SEMA4A: variants seen among roughly 807,000 people sequenced by gnomAD.
SEMA4A encodes semaphorin 4A.
SEMA4A carries 52 observed loss-of-function variants against 72.5 expected under a neutral mutation model. That is an observed-to-expected ratio of 0.72 (90% CI 0.57 to 0.90). The LOEUF (loss-of-function observed/expected upper bound fraction) is 0.90, where lower values mean the gene tolerates loss of function less well. Ranked by LOEUF, SEMA4A falls within the 40% of genes least tolerant of loss-of-function variation. SEMA4A has a pLI of 0.00. For synonymous variants in SEMA4A, 369 were observed against 393.1 expected (o/e 0.94, Z 0.73); for missense variants, 926 against 959.7 (o/e 0.96, Z 0.46).
rs576146975 is a variant in SEMA4A, at chr1:156,169,851, C to T, written c.1135-2975C>T. 9.3e-5 allele frequency among the ~76,000 whole-genome samples: 14 copies of T among 150,750 alleles called. No individual in the cohort carries two copies. The South Asian group carries it at 2.9e-3, about 32-fold the overall frequency. On this transcript the variant is annotated intron_variant, in intron 10 of 14. Transcript: ENST00000368285. ...ACCATCCTGGCCATCATGGTGAAAC[C>T]CCGTCTCTACTAAAAATACAAAAAT...
At chr1:156,149,549 C>T (rs1652372185), upstream of SEMA4A, among the ~76,000 whole-genome samples, 1 of 152,170 alleles carries the variant, frequency 6.6e-6, no homozygotes, top group African/African-American at 2.4e-5. Flanking sequence ...TGTCCCTTGG[C>T]TTATTTGCAT....
rs1041621925 is a variant in SEMA4A at position 156,163,368 on chromosome 1, G to A, written c.1134+274G>A. On this transcript the variant is annotated intron_variant, in intron 10 of 14. Transcript: ENST00000368285. ...TCACTATGGAAACAAGGGAACATGC[G>A]CTGTGTGCCAAGGACTGTCTTGGGC... is the stretch of plus-strand genomic sequence containing the variant. 1.3e-5 allele frequency: 6 copies of A among 474,720 alleles called. 1 individual carries two copies. Among genetic ancestry groups the A allele is most frequent in the South Asian group, 6.3e-5 (3 of 47,656 alleles). 29.4% of individuals were successfully genotyped at this position (474,720 alleles called of 1,614,324 possible). A position where few individuals can be genotyped will look rare whatever the true frequency, so the allele number is the denominator to read the frequency against.
chr1:156,158,904 T>C, intron 6 of SEMA4A, 80 bp downstream of exon 6: 1 of 1,295,098 alleles, frequency 7.7e-7, no homozygotes, highest in Non-Finnish European at 1.1e-6. Context: ...TACAGAGTTT[T>C]CCAAAAGGCA....
Position 156,158,379 on chromosome 1 carries a change from C to A in SEMA4A, c.364-9C>A. ...TGGCCTGGAGACCTAAATTCTCTGT[C>A]TCCCTCAGACACAGTGTTTCAACTT... On this transcript the variant is annotated splice_polypyrimidine_tract_variant and intron_variant, in intron 4 of 14. Transcript: ENST00000368285. 6.2e-7 allele frequency: 1 copy of A among 1,608,742 alleles called. No individual in the cohort carries two copies. Among genetic ancestry groups the A allele is most frequent in the Non-Finnish European group, 8.5e-7 (1 of 1,175,086 alleles).
intron 10 of SEMA4A, among the ~76,000 whole-genome samples, chr1:156,169,886 G>T (rs541041149): frequency 6.6e-6 from 1 of 151,790 alleles, no homozygotes; most frequent in Non-Finnish European, 1.5e-5. Context: ...TTAGCTGGGT[G>T]TGGTTGTATG....
In SEMA4A at chr1:156,158,125, G is replaced by A. The variant is rs1248004331; in HGVS notation, c.356G>A (p.Ser119Asn). Reference protein sequence around the residue: ...KKSECAFKKKSNETQCFNFIR... With the variant: ...KKSECAFKKKNNETQCFNFIR... ...AGTGAATGTGCCTTTAAGAAGAAGA[G>A]CAATGAGGTAAGTGGAGGTGGGGGA... Residue 119 changes from serine to asparagine, a missense_variant, in exon 4 of 15, where the codon AGC becomes AAC. Physicochemically the swap from Ser to Asn is conservative, Grantham distance 46 (BLOSUM62 1). Coordinates refer to ENST00000368285, the MANE Select transcript of SEMA4A (RefSeq NM_022367.4). 6.8e-6 allele frequency: 11 copies of A among 1,614,040 alleles called. No individual in the cohort carries two copies. The highest frequency in any genetic ancestry group is 1.3e-5 in the African/African-American group (1 of 74,914).
At chr1:156,175,062 T>A in intron 12 of SEMA4A, 24 bp from the exon 13 acceptor site, 1 of 1,614,208 alleles carries the variant, frequency 6.2e-7, no homozygotes, top group East Asian at 2.2e-5. Flanking sequence ...TGGGGCTCCC[T>A]GACAATCTCC....
At chr1:156,155,897 T>C (rs73006730) in intron 2 of SEMA4A, 2,605 of 216,284 alleles carry the variant, frequency 0.012, 74 homozygotes, top group African/African-American at 0.056. Context: ...ACATGGATCT[T>C]TGAAGAAAAA....
At position 156,176,688 on chromosome 1, in the gene SEMA4A, G is replaced by A. The variant is rs1572433128; in HGVS notation, c.1977G>A (p.Glu659=). ...LDPELAGIPR[E]HVKVPLTRVS... Reference sequence around the variant, plus strand: ...CTGAACTGGCAGGCATCCCCCGGGAGCATGTGAAGGTCCCGTTGACCAGGG... The same window carrying A: ...CTGAACTGGCAGGCATCCCCCGGGAACATGTGAAGGTCCCGTTGACCAGGG... Residue 659 remains glutamate (E), a synonymous_variant, in exon 15 of 15, where the codon GAG becomes GAA. Coordinates refer to ENST00000368285, the MANE Select transcript of SEMA4A (RefSeq NM_022367.4). 1.8e-5 allele frequency: 29 copies of A among 1,614,146 alleles called. No individual in the cohort carries two copies. Among genetic ancestry groups the A allele is most frequent in the Middle Eastern group, 3.3e-4 (2 of 6,062 alleles).
At chr1:156,147,840 G>A (rs1028549566), upstream of SEMA4A, among the ~76,000 whole-genome samples, 1 of 152,152 alleles carries the variant, frequency 6.6e-6, no homozygotes, top group Non-Finnish European at 1.5e-5. Flanking sequence ...CTTGTGGAAA[G>A]GCTCTCTCTC....
At chr1:156,172,156 C>T (rs888785912) in intron 10 of SEMA4A, among the ~76,000 whole-genome samples, 2 of 151,240 alleles carry the variant, frequency 1.3e-5, no homozygotes, top group African/African-American at 2.4e-5. Context: ...CTCTCTCTGT[C>T]GCCCAGGTTG....
chr1:156,170,018 C>G (rs533096173), intron 10 of SEMA4A, among the ~76,000 whole-genome samples: 6 of 149,848 alleles, frequency 4.0e-5, no homozygotes, highest in Non-Finnish European at 1.5e-5. Flanking sequence ...AGCAAGACTC[C>G]GTCTCAAAAA....
intron 10 of SEMA4A, among the ~76,000 whole-genome samples, chr1:156,171,786 T>TTA (rs1654803328): frequency 3.3e-5 from 5 of 151,552 alleles, no homozygotes; most frequent in African/African-American, 1.2e-4. Flanking sequence ...TTAATTAATT[T>TTA]ATTTATTTTG....
chr1:156,174,919 C>G lies in SEMA4A; in HGVS notation c.1413C>G (p.Asn471Lys). ...QLFPDPEPVR[N>K]LQLAPTQGAV... ...TCCCTGACCCTGAACCTGTTCGCAACCTGCAGCTGGCCCCCACCCAGGTGG... is the reference window on the plus strand; with the variant it reads ...TCCCTGACCCTGAACCTGTTCGCAAGCTGCAGCTGGCCCCCACCCAGGTGG... Residue 471 changes from asparagine to lysine, a missense_variant, in exon 12 of 15, where the codon AAC becomes AAG. Asn to Lys is a moderately conservative substitution (Grantham distance 94). Transcript: ENST00000368285. 6.2e-7 allele frequency: 1 copy of G among 1,614,238 alleles called. No individual in the cohort carries two copies. Among genetic ancestry groups the G allele is most frequent in the Non-Finnish European group, 8.5e-7 (1 of 1,180,038 alleles).
intron 11 of SEMA4A, 87 bp from the exon 12 acceptor site, chr1:156,174,735 T>C: frequency 6.4e-7 from 1 of 1,567,644 alleles, no homozygotes; most frequent in South Asian, 1.1e-5. Flanking sequence ...CAGAAGGAGC[T>C]TTCTTACAGC....
intron 10 of SEMA4A, among the ~76,000 whole-genome samples, chr1:156,171,956 T>C (rs1654827638): frequency 6.6e-6 from 1 of 151,404 alleles, no homozygotes; most frequent in South Asian, 2.1e-4. Context: ...GCTGATTTTG[T>C]TTTATTTTTT....
chr1:156,161,746 C>A, intron 9 of SEMA4A: 6 of 527,220 alleles, frequency 1.1e-5, no homozygotes, highest in Non-Finnish European at 1.7e-5. Context: ...CTGCCTAGTT[C>A]CAAAAGGGAT....
intron 11 of SEMA4A, among the ~76,000 whole-genome samples, chr1:156,174,574 C>G (rs1167323894): frequency 2.0e-5 from 3 of 152,162 alleles, no homozygotes; most frequent in African/African-American, 7.2e-5. Flanking sequence ...GGAGAAATAG[C>G]TGGGTTTCTC....
intron 14 of SEMA4A, among the ~76,000 whole-genome samples, chr1:156,175,906 G>A (rs545938929): frequency 6.6e-6 from 1 of 152,238 alleles, no homozygotes; most frequent in South Asian, 2.1e-4. Context: ...GGTGGACTGG[G>A]GCTTAGTTTG....
Sources: allele counts gnomAD v4.1 joint callset (sites outside exome capture counted in the v4.1 genomes callset), GRCh38; gene constraint gnomAD v4.1.1; transcripts MANE v1.5; gene names NCBI Gene and HGNC (gene_info 2026-07-23, HGNC 2026-07-21).